PPP1R1C: variants seen among roughly 807,000 people sequenced by gnomAD.
PPP1R1C encodes protein phosphatase 1 regulatory subunit 1C.
PPP1R1C carries 15 observed loss-of-function variants against 17.4 expected under a neutral mutation model. That is an observed-to-expected ratio of 0.86 (90% confidence interval 0.58 to 1.33). The LOEUF is 1.33. PPP1R1C is among the 40% of genes most tolerant of loss of function. The probability of loss-of-function intolerance (pLI) is 0.00; values close to 1 mark genes in which losing one functional copy is unlikely to be tolerated. For missense variants in PPP1R1C, 143 were observed against 130.0 expected (o/e 1.10, Z -0.48); for synonymous variants, 35 against 43.1 (o/e 0.81, Z 0.73).
intron 4 of PPP1R1C, among the ~76,000 whole-genome samples, chr2:182,071,357 T>C (rs1264447218): frequency 6.6e-6 from 1 of 152,202 alleles, no homozygotes; most frequent in Non-Finnish European, 1.5e-5. Flanking sequence ...ACTGATGTTT[T>C]TCTCAGGATT....
chr2:182,028,891 T>C (rs1686713433), intron 2 of PPP1R1C, among the ~76,000 whole-genome samples: 1 of 110,172 alleles, frequency 9.1e-6, no homozygotes, highest in Non-Finnish European at 2.0e-5. Context: ...TGAATCTGGG[T>C]GCTCCTGTAT....
Position 182,062,460 on chromosome 2 carries a change from G to A in PPP1R1C, c.180+981G>A, listed in dbSNP as rs1687878795. On this transcript the variant is annotated intron_variant, in intron 3 of 4. Coordinates refer to ENST00000682840, the MANE Select transcript of PPP1R1C (RefSeq NM_001080545.3). ...GATTCGTTCTCAAAACCAGCCAGAT[G>A]TGACTGAAACAGTAGAAGTGCCCCA... is the stretch of plus-strand genomic sequence containing the variant. Among the ~76,000 whole-genome samples, 3 of 152,180 alleles carry A rather than the reference G, an allele frequency of 2.0e-5. No homozygotes were observed. The South Asian group carries it at 6.2e-4, about 32-fold the overall frequency.
intron 2 of PPP1R1C, among the ~76,000 whole-genome samples, chr2:182,021,189 A>T (rs1389506087): frequency 6.6e-6 from 1 of 152,152 alleles, no homozygotes; most frequent in African/African-American, 2.4e-5. Context: ...TCTCTCATGC[A>T]TGTGGTAGAA....
intron 5 of PPP1R1C, among the ~76,000 whole-genome samples, chr2:182,128,010 GT>G (rs574421532): frequency 5.1e-4 from 77 of 152,184 alleles, no homozygotes; most frequent in African/African-American, 1.8e-3. Context: ...GTTCTGTGCT[GT>G]TTTTCATAGG....
At chr2:182,027,829 T>C (rs927487488) in intron 2 of PPP1R1C, among the ~76,000 whole-genome samples, 19 of 144,668 alleles carry the variant, frequency 1.3e-4, no homozygotes, top group African/African-American at 4.9e-4. Context: ...CGGCTGTGAA[T>C]CCATCTGGTC....
intron 2 of PPP1R1C, among the ~76,000 whole-genome samples, chr2:182,047,947 C>T (rs1272580078): frequency 6.6e-6 from 1 of 151,984 alleles, no homozygotes; most frequent in African/African-American, 2.4e-5. Context: ...TTTTCTTTGT[C>T]ATTTCTACCA....
intron 2 of PPP1R1C, among the ~76,000 whole-genome samples, chr2:182,042,275 C>G (rs2125180315): frequency 6.6e-6 from 1 of 152,196 alleles, no homozygotes; most frequent in East Asian, 1.9e-4. Context: ...TTTCATGTCA[C>G]AGATAAATAT....
intron 2 of PPP1R1C, among the ~76,000 whole-genome samples, chr2:182,024,114 C>G (rs1686518024): frequency 6.6e-6 from 1 of 152,110 alleles, no homozygotes; most frequent in Admixed American, 6.5e-5. Context: ...TACAGATATT[C>G]TCAAGCATGT....
At chr2:182,068,134 A>C (rs769793557) in intron 4 of PPP1R1C, among the ~76,000 whole-genome samples, 5 of 152,128 alleles carry the variant, frequency 3.3e-5, no homozygotes, top group Non-Finnish European at 7.4e-5. Flanking sequence ...GGGCCTGACA[A>C]AAAAGTGATT....
At chr2:182,102,153 G>A (rs555857558) in intron 4 of PPP1R1C, among the ~76,000 whole-genome samples, 2 of 152,288 alleles carry the variant, frequency 1.3e-5, no homozygotes, top group South Asian at 4.2e-4. Context: ...ATCTAAAGTA[G>A]TTCAGTAATT....
At chr2:182,011,896 C>T (rs2125156044) in intron 2 of PPP1R1C, among the ~76,000 whole-genome samples, 1 of 151,962 alleles carries the variant, frequency 6.6e-6, no homozygotes, top group Non-Finnish European at 1.5e-5. Context: ...GAGCTTATTA[C>T]TTAATTCTGA....
intron 5 of PPP1R1C, among the ~76,000 whole-genome samples, chr2:182,123,448 A>G (rs1689787623): frequency 6.6e-6 from 1 of 152,194 alleles, no homozygotes; most frequent in African/African-American, 2.4e-5. Context: ...ACAATGGTTG[A>G]ACTAGTTTAC....
chr2:182,104,816 A>G (rs1427874219), intron 4 of PPP1R1C, among the ~76,000 whole-genome samples: 1 of 152,130 alleles, frequency 6.6e-6, no homozygotes, highest in Non-Finnish European at 1.5e-5. Context: ...AGTATTTTGG[A>G]AGATTTTGTT....
chr2:181,983,707 T>C (rs1227070737), upstream of PPP1R1C, among the ~76,000 whole-genome samples: 1 of 152,206 alleles, frequency 6.6e-6, no homozygotes, highest in Non-Finnish European at 1.5e-5. Context: ...GCTATGTGAA[T>C]AAATAAAGTT....
downstream of PPP1R1C, chr2:182,131,361 T>C (rs1277853639): frequency 1.3e-5 from 2 of 152,086 alleles, no homozygotes; most frequent in East Asian, 3.9e-4. Flanking sequence ...TGTATGGAAA[T>C]AAAAAAGAAG....
intron 2 of PPP1R1C, among the ~76,000 whole-genome samples, chr2:181,975,520 A>G (rs985573458): frequency 6.6e-6 from 1 of 152,066 alleles, no homozygotes; most frequent in African/African-American, 2.4e-5. Flanking sequence ...CTATGTAAAA[A>G]AATAAGAATA....
chr2:182,031,571 A>G (rs1686840202), intron 2 of PPP1R1C, among the ~76,000 whole-genome samples: 2 of 152,250 alleles, frequency 1.3e-5, no homozygotes, highest in Admixed American at 6.5e-5. Flanking sequence ...ACAATATGTT[A>G]AAGGAGAAAT....
At chr2:182,045,930 T>A (rs1200387840) in intron 2 of PPP1R1C, among the ~76,000 whole-genome samples, 1 of 152,120 alleles carries the variant, frequency 6.6e-6, no homozygotes, top group Admixed American at 6.5e-5. Flanking sequence ...GAAACCTAAT[T>A]TTATTTTACC....
At chr2:182,066,960 GTGTGTGTT>G (rs1229497406) in intron 4 of PPP1R1C, among the ~76,000 whole-genome samples, 2 of 60,964 alleles carry the variant, frequency 3.3e-5, no homozygotes, top group Non-Finnish European at 7.7e-5. Context: ...GTCTGTGTGT[GTGTGTGTT>G]TGTGTGTGTG....
Sources: gnomAD v4.1 joint callset for allele counts (sites outside exome capture counted in the v4.1 genomes callset) on GRCh38, gnomAD v4.1.1 for gene constraint, MANE v1.5 for transcripts, NCBI Gene and HGNC (gene_info 2026-07-23, HGNC 2026-07-21) for gene names.